PIP5K1B: variants seen among roughly 807,000 people sequenced by gnomAD.
PIP5K1B encodes phosphatidylinositol-4-phosphate 5-kinase type 1 beta.
A neutral mutation model predicts 67.0 loss-of-function variants in PIP5K1B; 42 were observed. That is an observed-to-expected ratio of 0.63 (90% CI 0.49 to 0.81). The LOEUF is 0.81. Among genes scored for constraint, PIP5K1B ranks in the 30% least tolerant of loss-of-function variants. PIP5K1B has a pLI of 0.00. For synonymous variants in PIP5K1B, 214 were observed against 231.4 expected, an observed-to-expected ratio of 0.92 and a Z score of 0.68; for missense variants, 459 against 646.3, an observed-to-expected ratio of 0.71 and a Z score of 3.14.
intron 12 of PIP5K1B, among the ~76,000 whole-genome samples, chr9:68,923,801 C>T (rs550260429): frequency 5.3e-5 from 8 of 152,116 alleles, no homozygotes; most frequent in South Asian, 4.1e-4. Context: ...TCTCATAGGA[C>T]ATTCTCTAGG....
At chr9:68,975,517 G>A (rs1266115794) in intron 14 of PIP5K1B, among the ~76,000 whole-genome samples, 1 of 152,142 alleles carries the variant, frequency 6.6e-6, no homozygotes. Context: ...TTCCCAAGGT[G>A]GTGTTATGGA....
chr9:68,798,668 G>A (rs562540511), intron 2 of PIP5K1B, among the ~76,000 whole-genome samples: 4 of 152,194 alleles, frequency 2.6e-5, no homozygotes, highest in South Asian at 4.1e-4. Flanking sequence ...CAGACCACAC[G>A]GGGTCTTATA....
chr9:68,995,892 T>A (rs918322928), intron 15 of PIP5K1B, among the ~76,000 whole-genome samples: 2 of 152,206 alleles, frequency 1.3e-5, no homozygotes, highest in South Asian at 2.1e-4. Context: ...GTCTCTTTTT[T>A]CCTTTTGACA....
intron 3 of PIP5K1B, among the ~76,000 whole-genome samples, chr9:68,819,761 G>A (rs1391152913): frequency 6.6e-6 from 1 of 152,042 alleles, no homozygotes; most frequent in Non-Finnish European, 1.5e-5. Flanking sequence ...CTGCTACATG[G>A]CCTCTCCGAC....
chr9:68,959,839 G>A (rs902748064), intron 14 of PIP5K1B, among the ~76,000 whole-genome samples: 9 of 152,096 alleles, frequency 5.9e-5, no homozygotes, highest in Admixed American at 1.3e-4. Context: ...TGGTTCAGAC[G>A]CGTCGGATAT....
chr9:68,912,531 C>T (rs2132490934), intron 8 of PIP5K1B, among the ~76,000 whole-genome samples: 1 of 152,246 alleles, frequency 6.6e-6, no homozygotes, highest in Middle Eastern at 3.4e-3. Flanking sequence ...TAATTGAGTG[C>T]TTTTTGTGTG....
chr9:68,946,985 A>G (rs1827833840), intron 14 of PIP5K1B, among the ~76,000 whole-genome samples: 1 of 152,232 alleles, frequency 6.6e-6, no homozygotes, highest in Non-Finnish European at 1.5e-5. Flanking sequence ...CTTGTGGCAC[A>G]TAGTAAGCCC....
At chr9:68,911,322 G>A (rs554411402) in intron 8 of PIP5K1B, among the ~76,000 whole-genome samples, 7 of 150,012 alleles carry the variant, frequency 4.7e-5, no homozygotes, top group African/African-American at 9.9e-5. Context: ...GCAGTGAGCC[G>A]AGAACATGCC....
chr9:68,877,101 C>T (rs1271600600), intron 6 of PIP5K1B, among the ~76,000 whole-genome samples: 2 of 152,102 alleles, frequency 1.3e-5, no homozygotes, highest in Non-Finnish European at 2.9e-5. Context: ...GTGAATTTTG[C>T]TGATTAGATT....
chr9:68,899,814 T>C (rs1825271898), intron 8 of PIP5K1B, among the ~76,000 whole-genome samples: 1 of 152,230 alleles, frequency 6.6e-6, no homozygotes, highest in African/African-American at 2.4e-5. Flanking sequence ...ATTTGTTACA[T>C]GGGTAAATTG....
chr9:68,858,675 G>A (rs1047359599), intron 4 of PIP5K1B, among the ~76,000 whole-genome samples: 1 of 152,188 alleles, frequency 6.6e-6, no homozygotes, highest in Non-Finnish European at 1.5e-5. Flanking sequence ...GCACTGACAT[G>A]ATCAGATTTG....
chr9:68,925,854 G>T (rs576582083), intron 12 of PIP5K1B, among the ~76,000 whole-genome samples: 2 of 128,658 alleles, frequency 1.6e-5, no homozygotes, highest in African/African-American at 5.8e-5. Flanking sequence ...CTGCAGTGCA[G>T]TGGCGTGATT....
At chr9:68,909,783 T>C (rs1825774374) in intron 8 of PIP5K1B, among the ~76,000 whole-genome samples, 1 of 152,218 alleles carries the variant, frequency 6.6e-6, no homozygotes, top group African/African-American at 2.4e-5. Context: ...AGGCACATCA[T>C]GTCAGAATGC....
chr9:68,832,325 T>G (rs543859624), intron 4 of PIP5K1B, among the ~76,000 whole-genome samples: 1 of 152,358 alleles, frequency 6.6e-6, no homozygotes, highest in African/African-American at 2.4e-5. Context: ...TTCTGTAGAC[T>G]GTCACAGAAA....
chr9:68,989,632 G>A (rs758034046), intron 14 of PIP5K1B, among the ~76,000 whole-genome samples: 4 of 151,890 alleles, frequency 2.6e-5, no homozygotes, highest in Non-Finnish European at 4.4e-5. Context: ...TTTTAATGGG[G>A]AAAAATTTTG....
rs548898833 is a variant in PIP5K1B at position 68,771,360 on chromosome 9, G to A, written c.-86+28703G>A. ...CCCTCATCTATCTTTCTGATAAGCAGAATGGCTGTGCTGTACACCTCAACT... is the reference window on the plus strand; with the variant it reads ...CCCTCATCTATCTTTCTGATAAGCAAAATGGCTGTGCTGTACACCTCAACT... On this transcript the variant is annotated intron_variant, in intron 2 of 15. Coordinates refer to ENST00000265382, the MANE Select transcript of PIP5K1B (RefSeq NM_003558.4). 5.9e-4 allele frequency among the ~76,000 whole-genome samples: 90 copies of A among 152,280 alleles called. 1 individual carries two copies. The highest frequency in any genetic ancestry group is 3.4e-3 in the Admixed American group (52 of 15,304).
intron 1 of PIP5K1B, among the ~76,000 whole-genome samples, chr9:68,732,066 G>T (rs1828463708): frequency 6.6e-6 from 1 of 152,178 alleles, no homozygotes; most frequent in South Asian, 2.1e-4. Flanking sequence ...GGGCTGCTGT[G>T]AACTAGTCAC....
chr9:68,868,665 A>G (rs1381347657), intron 5 of PIP5K1B, among the ~76,000 whole-genome samples: 3 of 152,228 alleles, frequency 2.0e-5, no homozygotes, highest in African/African-American at 7.2e-5. Flanking sequence ...TTCCCCTAAG[A>G]GCCAGCCCTA....
chr9:68,772,886 G>GA (rs1438515780), intron 2 of PIP5K1B, among the ~76,000 whole-genome samples: 1 of 152,138 alleles, frequency 6.6e-6, no homozygotes, highest in Non-Finnish European at 1.5e-5. Context: ...CTGAATATGT[G>GA]AAAAAAGAAC....
Sources: allele counts gnomAD v4.1 joint callset (sites outside exome capture counted in the v4.1 genomes callset), GRCh38; gene constraint gnomAD v4.1.1; transcripts MANE v1.5; gene names NCBI Gene and HGNC (gene_info 2026-07-23, HGNC 2026-07-21).